DDX6: variants seen among roughly 807,000 people sequenced by gnomAD.
The protein encoded by DDX6 is probable ATP-dependent RNA helicase DDX6.
Under a neutral mutation model 60.6 loss-of-function variants are expected in DDX6, and 7 were observed. That is an observed-to-expected ratio of 0.12 (90% CI 0.07 to 0.22). The LOEUF (loss-of-function observed/expected upper bound fraction) is 0.22, where lower values mean the gene tolerates loss of function less well. DDX6 is among the 10% of genes least tolerant of loss of function. DDX6 has a pLI of 1.00. For missense variants in DDX6, 270 were observed against 589.9 expected (o/e 0.46, Z 5.62); for synonymous variants, 207 against 201.0 (o/e 1.03, Z -0.25).
chr11:118,759,221 G>A (rs782141163), intron 8 of DDX6: 1 of 197,740 alleles, frequency 5.1e-6, no homozygotes, highest in Non-Finnish European at 1.0e-5. Flanking sequence ...TGCCATAACA[G>A]ACTAATTTTT....
In DDX6 at chr11:118,754,739, G is replaced by A. The variant is rs561752798; in HGVS notation, c.1425C>T (p.Ser475=). 9.9e-6 allele frequency: 16 copies of A among 1,611,738 alleles called. No individual in the cohort carries two copies. Among genetic ancestry groups the A allele is most frequent in the Middle Eastern group, 1.6e-4 (1 of 6,084 alleles). The change falls in exon 13 of 14, where the codon AGC becomes AGT. Residue 475 remains serine (S), a synonymous_variant. Transcript: ENST00000534980. ...AAGGTTTCTCATCTTCTACAGGCTCGCTGTGGTATTCTGCCACATACAGGC... is the reference window on the plus strand; with the variant it reads ...AAGGTTTCTCATCTTCTACAGGCTCACTGTGGTATTCTGCCACATACAGGC... ...DKSLYVAEYH[S]EPVEDEKP
chr11:118,787,790 T>C (rs954344347), intron 1 of DDX6: 1 of 152,220 alleles, frequency 6.6e-6, no homozygotes, highest in African/African-American at 2.4e-5. Flanking sequence ...ACACAAATTT[T>C]GTATAAATGA....
At chr11:118,759,396 A>G (rs1376910701) in intron 8 of DDX6, 2 of 154,168 alleles carry the variant, frequency 1.3e-5, no homozygotes, top group Non-Finnish European at 2.9e-5. Flanking sequence ...TCAAAAATGC[A>G]GCTAAGTTAC....
intron 8 of DDX6, 117 bp downstream of exon 8, chr11:118,759,805 A>T: frequency 8.4e-7 from 1 of 1,185,818 alleles, no homozygotes; most frequent in South Asian, 2.1e-5. Flanking sequence ...AGAAAGAGCC[A>T]AAGGCTTGAA....
rs1389373449 is a variant in DDX6 at position 118,748,742 on chromosome 11, CT to C, written c.*3362del. The C allele has an allele frequency of 2.9e-4, 44 of 149,388 alleles. No individual in the cohort carries two copies. Among genetic ancestry groups the C allele is most frequent in the African/African-American group, 1.1e-3 (44 of 40,462 alleles). 9.3% of individuals were successfully genotyped at this position (149,388 alleles called of 1,614,324 possible). A position where few individuals can be genotyped will look rare whatever the true frequency, so the allele number is the denominator to read the frequency against. On this transcript the variant is annotated 3_prime_UTR_variant, in exon 14 of 14. Transcript: ENST00000534980. ...GGGCAAAGTACCCTCCCTCCCACCC[CT>C]ATTAAAAAAAAAAATTAAAAAATTA... is the stretch of plus-strand genomic sequence containing the variant.
At chr11:118,761,599 G>C (rs782186815) in intron 7 of DDX6, among the ~76,000 whole-genome samples, 1 of 150,806 alleles carries the variant, frequency 6.6e-6, no homozygotes. Context: ...GCGGGGCAAC[G>C]AGACTCTGTC....
intron 5 of DDX6, among the ~76,000 whole-genome samples, chr11:118,766,868 T>G (rs532055581): frequency 3.9e-4 from 58 of 149,932 alleles, no homozygotes; most frequent in Non-Finnish European, 4.6e-4. Flanking sequence ...TGTGAGTCAC[T>G]GCACCTGGCC....
chr11:118,763,852 A>AAAAAAAAG (rs1555160808), intron 6 of DDX6, among the ~76,000 whole-genome samples: 2 of 146,340 alleles, frequency 1.4e-5, no homozygotes, highest in African/African-American at 2.6e-5. Context: ...AAAAAAAAAA[A>AAAAAAAAG]AAAGAAAGAA....
intron 7 of DDX6, among the ~76,000 whole-genome samples, chr11:118,761,572 G>C (rs900367712): frequency 6.6e-6 from 1 of 151,878 alleles, no homozygotes; most frequent in African/African-American, 2.4e-5. Flanking sequence ...AGCTGAGATC[G>C]CACCACTGCA....
rs554871649 is a variant in DDX6, at chr11:118,758,941, A to C, written c.865-39T>G. ...GGGAAAAAGATGAGTCGTCGTCTTA[A>C]ATGAAAGCAGAGTTCATCTCAAATT... On this transcript the variant is annotated intron_variant, in intron 8 of 13. Transcript: ENST00000534980. 2.2e-5 allele frequency: 35 copies of C among 1,610,468 alleles called. No homozygotes were observed. In the South Asian group the frequency reaches 3.5e-4, roughly 16 times the overall value.
At position 118,768,987 on chromosome 11, in the gene DDX6, C is replaced by CAAAAAAAAAAAAAAAAAA. The variant is rs782136763; in HGVS notation, c.370-653_370-636dup. Among the ~76,000 whole-genome samples the CAAAAAAAAAAAAAAAAAA allele has an allele frequency of 7.5e-5, 3 of 39,984 alleles. 1 individual carries two copies. Among genetic ancestry groups the CAAAAAAAAAAAAAAAAAA allele is most frequent in the Admixed American group, 9.7e-4 (2 of 2,070 alleles). The allele number at this position is 39,984 out of a possible 152,430, so 26.2% of individuals were successfully genotyped here. On this transcript the variant is annotated intron_variant, in intron 4 of 13. Coordinates refer to ENST00000534980, the MANE Select transcript of DDX6 (RefSeq NM_004397.6). ...GCATGAAAGAGACCTCGTCTCATCTCAAAAAAAAAAAAAAAAAAAAAAGGC... is the reference window on the plus strand; with the variant it reads ...GCATGAAAGAGACCTCGTCTCATCTCAAAAAAAAAAAAAAAAAAAAAAAAAAAAAAAAAAAAAAAAGGC...
chr11:118,765,677 AG>A (rs782427005), intron 5 of DDX6, among the ~76,000 whole-genome samples: 9 of 152,296 alleles, frequency 5.9e-5, no homozygotes, highest in Non-Finnish European at 1.2e-4. Context: ...CAGGAGGCTG[AG>A]GCAGGAGAAT....
chr11:118,768,424 T>G, intron 4 of DDX6, 72 bp from the exon 5 acceptor site: 1 of 1,508,384 alleles, frequency 6.6e-7, no homozygotes, highest in South Asian at 1.1e-5. Flanking sequence ...TGAAATACAC[T>G]GAAGGATACC....
chr11:118,756,516 T>G (rs1860982312), intron 10 of DDX6, among the ~76,000 whole-genome samples, 193 bp from the exon 11 acceptor site: 2 of 152,148 alleles, frequency 1.3e-5, no homozygotes, highest in Admixed American at 6.5e-5. Flanking sequence ...CTTACGAAAT[T>G]TCATAATGTA....
chr11:118,777,661 G>C (rs1861744615), intron 4 of DDX6, among the ~76,000 whole-genome samples: 1 of 152,094 alleles, frequency 6.6e-6, no homozygotes, highest in Non-Finnish European at 1.5e-5. Context: ...AAGCCAAAGT[G>C]GGCGATCATT....
chr11:118,785,244 C>A (rs767864101), intron 2 of DDX6, among the ~76,000 whole-genome samples: 1 of 152,112 alleles, frequency 6.6e-6, no homozygotes, highest in Non-Finnish European at 1.5e-5. Context: ...GAAAAAATAT[C>A]CTCTAGTAAG....
At chr11:118,785,754 T>A in intron 2 of DDX6, 1 of 235,688 alleles carries the variant, frequency 4.2e-6, no homozygotes, top group Non-Finnish European at 8.2e-6. Flanking sequence ...TTTATTCATT[T>A]ACAACAAACT....
intron 2 of DDX6, among the ~76,000 whole-genome samples, chr11:118,785,022 C>CGG (rs1862028795): frequency 6.6e-6 from 1 of 152,224 alleles, no homozygotes; most frequent in Non-Finnish European, 1.5e-5. Flanking sequence ...CCCACCTTGG[C>CGG]CTCCCAATGT....
intron 4 of DDX6, among the ~76,000 whole-genome samples, chr11:118,770,359 G>T (rs984058906): frequency 4.6e-5 from 7 of 152,084 alleles, no homozygotes; most frequent in African/African-American, 1.7e-4. Flanking sequence ...TAAGATACTA[G>T]GAACCAAATT....
Sources: gnomAD v4.1 joint callset for allele counts (sites outside exome capture counted in the v4.1 genomes callset) on GRCh38, gnomAD v4.1.1 for gene constraint, MANE v1.5 for transcripts, NCBI Gene and HGNC (gene_info 2026-07-23, HGNC 2026-07-21) for gene names.